The following CSMD1 variants were observed in gnomAD, a reference collection of about 807,000 sequenced individuals.
The protein encoded by CSMD1 is CUB and sushi domain-containing protein 1.
A neutral mutation model predicts 417.5 loss-of-function variants in CSMD1; 213 were observed. That is an observed-to-expected ratio of 0.51 (90% CI 0.46 to 0.57). CSMD1 has a LOEUF of 0.57. Among genes scored for constraint, CSMD1 ranks in the 20% least tolerant of loss-of-function variants. The probability of loss-of-function intolerance (pLI) is 0.00; values close to 1 mark genes in which losing one functional copy is unlikely to be tolerated. For missense variants in CSMD1, 6,923 were observed against 4,529.7 expected (o/e 1.53, Z -15.17); for synonymous variants, 2,862 against 1,736.8 (o/e 1.65, Z -16.11).
rs1396332781 is a variant in CSMD1 at position 3,367,162 on chromosome 8, G to A, written c.2985C>T (p.Pro995=). The change falls in exon 20 of 70, where the codon CCC becomes CCT. Residue 995 remains proline (P), a synonymous_variant. Coordinates refer to ENST00000635120, the MANE Select transcript of CSMD1 (RefSeq NM_033225.6). The stretch of plus-strand genomic sequence containing the variant: ...ACACCGACCCGGTGAGCCTGGCAAC[G>A]GGCTCGGAAAAACTTCCATCCTCTG... ...LITEDGSFSE[P]VARLTGSVLP... 4.3e-6 allele frequency: 7 copies of A among 1,613,598 alleles called. No individual in the cohort carries two copies. Among genetic ancestry groups the A allele is most frequent in the East Asian group, 2.2e-5 (1 of 44,828 alleles).
chr8:4,588,203 G>C (rs778538434), intron 2 of CSMD1, among the ~76,000 whole-genome samples: 8 of 152,000 alleles, frequency 5.3e-5, no homozygotes, highest in East Asian at 1.9e-4. Context: ...TATTTAAATA[G>C]AGAAGAAATA....
chr8:4,765,928 A>G (rs1219730766), intron 1 of CSMD1, among the ~76,000 whole-genome samples: 1 of 152,202 alleles, frequency 6.6e-6, no homozygotes, highest in Admixed American at 6.5e-5. Flanking sequence ...GGTTTGAAGA[A>G]TCGAGCTTAG....
intron 3 of CSMD1, among the ~76,000 whole-genome samples, chr8:4,271,983 T>C (rs566543079): frequency 1.3e-5 from 2 of 152,272 alleles, no homozygotes; most frequent in African/African-American, 4.8e-5. Context: ...CCTATATAGA[T>C]GGATTTCACA....
At chr8:4,549,557 C>A (rs1008800057) in intron 2 of CSMD1, among the ~76,000 whole-genome samples, 2 of 152,036 alleles carry the variant, frequency 1.3e-5, no homozygotes, top group Non-Finnish European at 2.9e-5. Context: ...ATGTGCACAG[C>A]CTCCCGCATT....
At chr8:3,809,316 G>A (rs1045960436) in intron 5 of CSMD1, among the ~76,000 whole-genome samples, 4 of 152,106 alleles carry the variant, frequency 2.6e-5, no homozygotes, top group Admixed American at 6.5e-5. Context: ...GAAAGTTCTT[G>A]TTCACGATTT....
rs758634717 is a variant in CSMD1 at position 3,399,408 on chromosome 8, G to C, written c.2388C>G (p.Ile796Met). 6.2e-7 allele frequency: 1 copy of C among 1,604,024 alleles called. No homozygotes were observed. Among genetic ancestry groups the C allele is most frequent in the Non-Finnish European group, 8.5e-7 (1 of 1,175,746 alleles). ...TTTCTTACCTGTCAAAAGTTATTTTGATAGAGTGGCCTGGTTTTGCTTCAA... is the reference window on the plus strand; with the variant it reads ...TTTCTTACCTGTCAAAAGTTATTTTCATAGAGTGGCCTGGTTTTGCTTCAA... The part of the protein sequence containing the change: ...WIIEAKPGHS[I>M]KITFDRFQTE... The change falls in exon 16 of 70, where the codon ATC becomes ATG. Residue 796 changes from isoleucine to methionine, a missense_variant. Transcript: ENST00000635120.
intron 5 of CSMD1, among the ~76,000 whole-genome samples, chr8:3,942,850 C>G (rs539219571): frequency 6.6e-6 from 1 of 152,226 alleles, no homozygotes; most frequent in African/African-American, 2.4e-5. Context: ...ATAGTATCGT[C>G]CCACAAATTG....
chr8:4,154,802 G>C (rs1796746690), intron 3 of CSMD1, among the ~76,000 whole-genome samples: 1 of 152,002 alleles, frequency 6.6e-6, no homozygotes, highest in Non-Finnish European at 1.5e-5. Flanking sequence ...GAGAAAGACT[G>C]AATGTTGGAA....
At chr8:3,439,503 G>C (rs1814829662) in intron 12 of CSMD1, among the ~76,000 whole-genome samples, 1 of 149,294 alleles carries the variant, frequency 6.7e-6, no homozygotes, top group South Asian at 2.1e-4. Flanking sequence ...CTGTGTGTGT[G>C]TGTCTGTGTG....
At chr8:3,100,621 T>C (rs1354398582) in intron 46 of CSMD1, among the ~76,000 whole-genome samples, 2 of 152,174 alleles carry the variant, frequency 1.3e-5, no homozygotes. Flanking sequence ...CTTGCCTCTC[T>C]CAGACATCAC....
Position 4,271,731 on chromosome 8 carries a change from A to G in CSMD1, c.415+148222T>C, listed in dbSNP as rs2049024. ...ACTCACTACTAAATCCCAGGCCTGT[A>G]TATGATTAATATACTTATACATATA... On this transcript the variant is annotated intron_variant, in intron 3 of 69. Transcript: ENST00000635120. 7.1e-4 allele frequency among the ~76,000 whole-genome samples: 108 copies of G among 152,322 alleles called. No individual in the cohort carries two copies. The East Asian group carries it at 0.017, about 24-fold the overall frequency.
In CSMD1 at chr8:4,138,204, CA is replaced by C. The variant is rs1346664033; in HGVS notation, c.416-106106del. ...TGCTGGGATTACAGGCGCAGCCTTA[CA>C]TTTTTTTTTTTTTTTTTTTTCAGGT... On this transcript the variant is annotated intron_variant, in intron 3 of 69. Transcript: ENST00000635120. Among the ~76,000 whole-genome samples, 23 of 109,642 alleles carry C rather than the reference CA, an allele frequency of 2.1e-4. 2 individuals carry two copies. The highest frequency in any genetic ancestry group is 7.9e-4 in the African/African-American group (22 of 27,756). 71.9% of individuals were successfully genotyped at this position (109,642 alleles called of 152,430 possible).
chr8:3,657,471 T>A (rs971934682), intron 7 of CSMD1, among the ~76,000 whole-genome samples: 1 of 151,920 alleles, frequency 6.6e-6, no homozygotes, highest in Non-Finnish European at 1.5e-5. Flanking sequence ...ATAGACTGGA[T>A]AAAGAAAATG....
chr8:3,707,422 G>A (rs534141733), intron 7 of CSMD1, among the ~76,000 whole-genome samples: 17 of 152,254 alleles, frequency 1.1e-4, no homozygotes, highest in African/African-American at 4.1e-4. Flanking sequence ...CACAGAGCAA[G>A]GCTAGAAACA....
At chr8:3,807,483 T>G (rs13248480) in intron 5 of CSMD1, among the ~76,000 whole-genome samples, 54,577 of 151,968 alleles carry the variant, frequency 0.36, 10,393 homozygotes, top group East Asian at 0.43. Context: ...TGTCAAGTTA[T>G]CTTTGAAACA....
chr8:3,111,638 C>T (rs1299790149), intron 42 of CSMD1, among the ~76,000 whole-genome samples: 2 of 152,058 alleles, frequency 1.3e-5, no homozygotes, highest in Non-Finnish European at 2.9e-5. Context: ...TTGAGACCAG[C>T]CTGACCAACA....
intron 2 of CSMD1, among the ~76,000 whole-genome samples, chr8:4,565,017 C>A (rs536640934): frequency 6.6e-6 from 1 of 152,216 alleles, no homozygotes; most frequent in East Asian, 1.9e-4. Flanking sequence ...TGATAGATGT[C>A]TGTCATCTTC....
intron 2 of CSMD1, among the ~76,000 whole-genome samples, chr8:4,441,095 G>GATTTTTTTTTTTTTTTTTTT (rs1798443526): frequency 1.9e-5 from 1 of 51,296 alleles, no homozygotes; most frequent in Non-Finnish European, 3.6e-5. Flanking sequence ...TAATCAAAAG[G>GATTTTTTTTTTTTTTTTTTT]TTTTTTTTTT....
chr8:3,288,754 C>T (rs1404537764), intron 25 of CSMD1, among the ~76,000 whole-genome samples: 4 of 146,754 alleles, frequency 2.7e-5, no homozygotes, highest in Non-Finnish European at 5.9e-5. Context: ...AAACCAGCTC[C>T]TGGATTCATT....
Sources: gnomAD v4.1 joint callset for allele counts (sites outside exome capture counted in the v4.1 genomes callset) on GRCh38, gnomAD v4.1.1 for gene constraint, MANE v1.5 for transcripts, NCBI Gene and HGNC (gene_info 2026-07-23, HGNC 2026-07-21) for gene names.